The following MYO3A variants were observed in gnomAD, a reference collection of about 807,000 sequenced individuals.
MYO3A encodes myosin IIIA.
Under a neutral mutation model 192.7 loss-of-function variants are expected in MYO3A, and 180 were observed. That is an observed-to-expected ratio of 0.93 (90% CI 0.83 to 1.06). MYO3A has a LOEUF of 1.06. Among genes scored for constraint, MYO3A ranks in the 50% least tolerant of loss-of-function variants. MYO3A has a pLI of 0.00. For missense variants in MYO3A, 1,896 were observed against 1,905.0 expected (o/e 1.00, Z 0.09); for synonymous variants, 628 against 645.3 (o/e 0.97, Z 0.41).
In MYO3A at chr10:25,937,940, A is replaced by G. The variant is rs188038271; in HGVS notation, c.-18+2110A>G. Reference sequence around the variant, plus strand: ...TGTGTGTCCAGTTCATGTGGTCTGTAATTAAGCTAGACCAGATTTCTGTGA... The same window carrying G: ...TGTGTGTCCAGTTCATGTGGTCTGTGATTAAGCTAGACCAGATTTCTGTGA... On this transcript the variant is annotated intron_variant, in intron 2 of 34. Transcript: ENST00000642920. Among the ~76,000 whole-genome samples the G allele has an allele frequency of 1.5e-4, 23 of 152,312 alleles. No individual in the cohort carries two copies. The East Asian group carries it at 4.2e-3, about 28-fold the overall frequency.
chr10:25,970,131 C>T (rs528252550), intron 4 of MYO3A, among the ~76,000 whole-genome samples: 16 of 152,020 alleles, frequency 1.1e-4, no homozygotes, highest in Non-Finnish European at 2.1e-4. Context: ...AAAATCATTT[C>T]CTCAGTAATT....
intron 4 of MYO3A, among the ~76,000 whole-genome samples, chr10:25,965,972 T>C (rs1355511308): frequency 6.7e-6 from 1 of 150,072 alleles, no homozygotes; most frequent in African/African-American, 2.5e-5. Flanking sequence ...TCTCTCTCTC[T>C]CTCTCTCTTC....
At chr10:26,003,110 A>G (rs547362895) in intron 6 of MYO3A, among the ~76,000 whole-genome samples, 24 of 152,318 alleles carry the variant, frequency 1.6e-4, no homozygotes, top group Admixed American at 7.2e-4. Flanking sequence ...CTGCACATCT[A>G]CAAGTGTGAA....
chr10:26,152,933 T>C (rs1021459539), intron 23 of MYO3A, among the ~76,000 whole-genome samples: 1 of 152,108 alleles, frequency 6.6e-6, no homozygotes, highest in Non-Finnish European at 1.5e-5. Context: ...AGGCCAGCCT[T>C]TTGCAACCAT....
chr10:26,108,589 T>G (rs1837970934), intron 17 of MYO3A, among the ~76,000 whole-genome samples: 1 of 152,214 alleles, frequency 6.6e-6, no homozygotes, highest in South Asian at 2.1e-4. Flanking sequence ...AATGGAAGAC[T>G]ATCAGCAATA....
In MYO3A at chr10:26,088,385, C is replaced by T. The variant is rs781246516; in HGVS notation, c.1542C>T (p.Ser514=). The T allele has an allele frequency of 1.9e-6, 3 of 1,613,658 alleles. No homozygotes were observed. The East Asian group carries it at 6.7e-5, about 36-fold the overall frequency. ...AQISEYLLEK[S]RVIHQAIGEK... Reference sequence around the variant, plus strand: ...TTTCTGAATATCTCCTGGAAAAATCCCGAGTTATCCACCAAGCTATGTAAG... The same window carrying T: ...TTTCTGAATATCTCCTGGAAAAATCTCGAGTTATCCACCAAGCTATGTAAG... The change falls in exon 15 of 35, where the codon TCC becomes TCT. Residue 514 remains serine, a synonymous_variant. Coordinates refer to ENST00000642920, the MANE Select transcript of MYO3A (RefSeq NM_017433.5).
At chr10:25,965,353 G>A (rs1838193514) in intron 4 of MYO3A, among the ~76,000 whole-genome samples, 1 of 152,078 alleles carries the variant, frequency 6.6e-6, no homozygotes, top group South Asian at 2.1e-4. Context: ...GGCCTGGAAT[G>A]GGGGCCTCAT....
chr10:25,962,485 G>A (rs577206519), intron 4 of MYO3A, among the ~76,000 whole-genome samples: 1 of 152,234 alleles, frequency 6.6e-6, no homozygotes, highest in African/African-American at 2.4e-5. Flanking sequence ...GAGTTTTGTT[G>A]TCATTCAATA....
At chr10:26,108,017 G>T (rs1837935018) in intron 17 of MYO3A, among the ~76,000 whole-genome samples, 1 of 152,034 alleles carries the variant, frequency 6.6e-6, no homozygotes, top group Admixed American at 6.6e-5. Flanking sequence ...TTTAAGGCTA[G>T]AAATTTATCC....
chr10:26,181,015 T>C (rs1842596362), intron 31 of MYO3A, among the ~76,000 whole-genome samples: 1 of 152,054 alleles, frequency 6.6e-6, no homozygotes, highest in Non-Finnish European at 1.5e-5. Context: ...GCTATAATAA[T>C]TAAAATCATA....
chr10:26,120,267 A>G (rs193066126), intron 17 of MYO3A, among the ~76,000 whole-genome samples: 1 of 152,284 alleles, frequency 6.6e-6, no homozygotes, highest in East Asian at 1.9e-4. Context: ...CTTTATTCAT[A>G]CATATAGCCT....
chr10:25,971,365 TAA>T (rs1464442742), intron 4 of MYO3A, among the ~76,000 whole-genome samples: 1 of 152,202 alleles, frequency 6.6e-6, no homozygotes, highest in African/African-American at 2.4e-5. Flanking sequence ...TTAAATAAGT[TAA>T]GAGAAAAAGG....
chr10:26,116,037 A>G (rs1410394078), intron 17 of MYO3A, among the ~76,000 whole-genome samples: 1 of 152,230 alleles, frequency 6.6e-6, no homozygotes, highest in Non-Finnish European at 1.5e-5. Context: ...AGTTTTAGAT[A>G]TTTAAGAATA....
At chr10:26,128,642 T>G in intron 20 of MYO3A, 104 bp downstream of exon 20, 1 of 1,217,806 alleles carries the variant, frequency 8.2e-7, no homozygotes, top group East Asian at 2.4e-5. Context: ...CCTTAAACAT[T>G]TTAGAAAGAC....
At chr10:26,067,486 C>T (rs559547471) in intron 11 of MYO3A, among the ~76,000 whole-genome samples, 3 of 152,256 alleles carry the variant, frequency 2.0e-5, no homozygotes, top group East Asian at 3.9e-4. Flanking sequence ...GGTGGCCTCC[C>T]GCTTTGTCCT....
chr10:25,999,960 T>A (rs540817444), intron 6 of MYO3A, among the ~76,000 whole-genome samples: 222 of 152,274 alleles, frequency 1.5e-3, no homozygotes, highest in African/African-American at 5.1e-3. Context: ...CTAGCCCTCA[T>A]CTCTTGCCTG....
At chr10:25,957,205 A>G (rs973596757) in intron 4 of MYO3A, among the ~76,000 whole-genome samples, 2 of 152,084 alleles carry the variant, frequency 1.3e-5, no homozygotes, top group Non-Finnish European at 2.9e-5. Flanking sequence ...TGTGGAAGGG[A>G]CCCAGTGGGA....
At position 26,174,396 on chromosome 10, in the gene MYO3A, A is replaced by C; in HGVS notation, c.4132A>C (p.Arg1378=). 6.2e-7 allele frequency: 1 copy of C among 1,614,230 alleles called. No homozygotes were observed. The change falls in exon 30 of 35, where the codon AGG becomes CGG. Residue 1378 remains arginine (R), a synonymous_variant. Coordinates refer to ENST00000642920, the MANE Select transcript of MYO3A (RefSeq NM_017433.5). The stretch of plus-strand genomic sequence containing the variant: ...CAAGATGTCTTCTTTTAAGCATCAG[A>C]GGATTGTCACAACACCAACAGAAGT... ...KDKMSSFKHQ[R]IVTTPTEVAR... is the part of the protein sequence containing the mutation.
intron 26 of MYO3A, among the ~76,000 whole-genome samples, chr10:26,159,425 T>A (rs1335645226): frequency 6.7e-6 from 1 of 149,964 alleles, no homozygotes; most frequent in Non-Finnish European, 1.5e-5. Flanking sequence ...AGTGGCGCAA[T>A]CTTGGCTCAC....
Sources: allele counts gnomAD v4.1 joint callset (sites outside exome capture counted in the v4.1 genomes callset), GRCh38; gene constraint gnomAD v4.1.1; transcripts MANE v1.5; gene names NCBI Gene and HGNC (gene_info 2026-07-23, HGNC 2026-07-21).